The following LMAN1 variants were observed in gnomAD, a reference collection of about 807,000 sequenced individuals.
The protein encoded by LMAN1 is lectin, mannose binding 1, also known as protein ERGIC-53.
LMAN1 carries 32 observed loss-of-function variants against 67.8 expected under a neutral mutation model. The observed-to-expected ratio is 0.47, with a 90% CI of 0.36 to 0.63. The LOEUF (loss-of-function observed/expected upper bound fraction) is 0.63, where lower values mean the gene tolerates loss of function less well. Ranked by LOEUF, LMAN1 falls within the 30% of genes least tolerant of loss-of-function variation. The pLI is 0.00. For synonymous variants in LMAN1, 235 were observed against 219.3 expected (o/e 1.07, Z -0.63); for missense variants, 632 against 628.2 (o/e 1.01, Z -0.06).
In LMAN1 at chr18:59,338,582, T is replaced by C. The variant is rs1475660786; in HGVS notation, c.1195A>G (p.Ile399Val). Residue 399 changes from isoleucine (I) to valine (V), a missense_variant, in exon 10 of 13, where the codon ATT becomes GTT. Coordinates refer to ENST00000251047, the MANE Select transcript of LMAN1 (RefSeq NM_005570.4). ...LDTVVKTQHE[I>V]LRQVNEMKNS... The stretch of plus-strand genomic sequence containing the variant: ...TTCATTTCATTTACTTGTCTCAGAA[T>C]CTCATGCTGAGTTTTCACAACAGTA... 6.2e-7 allele frequency: 1 copy of C among 1,613,826 alleles called. No homozygotes were observed. The highest frequency in any genetic ancestry group is 8.5e-7 in the Non-Finnish European group (1 of 1,179,754).
chr18:59,338,110 T>C (rs1297757669), intron 10 of LMAN1, among the ~76,000 whole-genome samples: 2 of 152,190 alleles, frequency 1.3e-5, no homozygotes, highest in South Asian at 2.1e-4. Flanking sequence ...GAAAAAGAGG[T>C]AGTCACACAT....
rs1196959346 is a variant in LMAN1 at position 59,345,921 on chromosome 18, G to T, written c.953C>A (p.Pro318His). The T allele has an allele frequency of 1.2e-6, 2 of 1,613,944 alleles. No individual in the cohort carries two copies. The highest frequency in any genetic ancestry group is 1.7e-6 in the Non-Finnish European group (2 of 1,180,020). Residue 318 changes from proline (P) to histidine (H), a missense_variant and splice_region_variant, in exon 8 of 13, where the codon CCT becomes CAT. Physicochemically the swap from Pro to His is moderately conservative, Grantham distance 77 (BLOSUM62 -2). Transcript: ENST00000251047. ...ATGTCAGCTTTGCTACAACTCACCA[G>T]GCTGCCCTTGGAGGTCGGGGTGGCC... The part of the protein sequence containing the change: ...QKGHPDLQGQ[P>H]AEEIFESVGD...
intron 8 of LMAN1, among the ~76,000 whole-genome samples, chr18:59,340,651 A>AT (rs1471569207): frequency 5.9e-5 from 9 of 152,236 alleles, no homozygotes; most frequent in African/African-American, 2.2e-4. Flanking sequence ...GGTCTTAAAC[A>AT]TGGAAACAAA....
chr18:59,345,201 T>G (rs1407617990), intron 8 of LMAN1, among the ~76,000 whole-genome samples: 2 of 152,198 alleles, frequency 1.3e-5, no homozygotes, highest in South Asian at 2.1e-4. Context: ...CTACATAGAG[T>G]TCAAATGCTA....
intron 10 of LMAN1, among the ~76,000 whole-genome samples, chr18:59,337,580 C>A (rs1366288579): frequency 1.3e-5 from 2 of 151,978 alleles, no homozygotes; most frequent in African/African-American, 4.8e-5. Context: ...AAAATTAGAT[C>A]GAAATAAAAA....
intron 4 of LMAN1, among the ~76,000 whole-genome samples, chr18:59,353,597 T>G (rs1476838250): frequency 1.3e-5 from 2 of 152,182 alleles, no homozygotes; most frequent in Admixed American, 1.3e-4. Flanking sequence ...GGAGTTATGA[T>G]GAACTACCAG....
intron 1 of LMAN1, 129 bp downstream of exon 1, chr18:59,358,902 T>G (rs1326368941): frequency 1.1e-6 from 1 of 951,890 alleles, no homozygotes; most frequent in African/African-American, 1.6e-5. Flanking sequence ...GAGGGTCCCC[T>G]CCACAGCGCA....
At chr18:59,347,991 C>A (rs1481778652) in intron 6 of LMAN1, among the ~76,000 whole-genome samples, 2 of 152,268 alleles carry the variant, frequency 1.3e-5, no homozygotes, top group Non-Finnish European at 2.9e-5. Context: ...CTGGTCTCCA[C>A]ATACTGCCGG....
rs2070738956 is a variant in LMAN1, at chr18:59,330,201, T to C, written c.*892A>G. 1 of 152,648 alleles carries C rather than the reference T, an allele frequency of 6.6e-6. No individual in the cohort carries two copies. Among genetic ancestry groups the C allele is most frequent in the African/African-American group, 2.4e-5 (1 of 41,466 alleles). 9.5% of individuals were successfully genotyped at this position (152,648 alleles called of 1,614,324 possible). A position where few individuals can be genotyped will look rare whatever the true frequency, so the allele number is the denominator to read the frequency against. On this transcript the variant is annotated 3_prime_UTR_variant, in exon 13 of 13. Transcript: ENST00000251047. The stretch of plus-strand genomic sequence containing the variant: ...GAAGTAACTAATGTAAACCAGAATG[T>C]AGTGGCAGGTTTTGTGAATTTAAAT...
At chr18:59,354,432 G>T in intron 4 of LMAN1, 87 bp downstream of exon 4, 1 of 771,510 alleles carries the variant, frequency 1.3e-6, no homozygotes, top group South Asian at 1.5e-5. Flanking sequence ...TTTTCATTTG[G>T]AAGGTGTTCA....
intron 10 of LMAN1, among the ~76,000 whole-genome samples, chr18:59,335,769 C>T (rs1039106900): frequency 1.3e-5 from 2 of 152,268 alleles, no homozygotes; most frequent in Admixed American, 1.3e-4. Flanking sequence ...AAGAGAACTA[C>T]ACTAAGAAAC....
At chr18:59,346,439 G>A (rs1006672254) in intron 7 of LMAN1, among the ~76,000 whole-genome samples, 6 of 151,674 alleles carry the variant, frequency 4.0e-5, no homozygotes, top group Non-Finnish European at 7.4e-5. Context: ...TGTCCAGGCT[G>A]GTTTTGAACC....
In LMAN1 at chr18:59,349,131, C is replaced by T. The variant is rs1375605466; in HGVS notation, c.745G>A (p.Ala249Thr). 2.5e-6 allele frequency: 4 copies of T among 1,614,080 alleles called. No individual in the cohort carries two copies. The highest frequency in any genetic ancestry group is 3.4e-6 in the Non-Finnish European group (4 of 1,179,948). Residue 249 changes from alanine (A) to threonine (T), a missense_variant, in exon 6 of 13, where the codon GCA (alanine) becomes ACA (threonine). Coordinates refer to ENST00000251047, the MANE Select transcript of LMAN1 (RefSeq NM_005570.4). ...PAQGHFGISA[A>T]TGGLADDHDV... ...GATTTACCTGCAAGACCTCCAGTTG[C>T]AGCAGATATTCCAAAATGCCCTTGT... is the stretch of plus-strand genomic sequence containing the variant.
Position 59,329,771 on chromosome 18 carries a change from A to G in LMAN1, c.*1322T>C, listed in dbSNP as rs1471946825. ...AGCAAACCTAGGGAGGCTTGGAATA[A>G]TTCAACAGTACTATTTTATAAGATA... On this transcript the variant is annotated 3_prime_UTR_variant, in exon 13 of 13. Coordinates refer to ENST00000251047, the MANE Select transcript of LMAN1 (RefSeq NM_005570.4). 6.6e-6 allele frequency: 1 copy of G among 152,170 alleles called. No homozygotes were observed. Among genetic ancestry groups the G allele is most frequent in the Non-Finnish European group, 1.5e-5 (1 of 68,004 alleles). 9.4% of individuals were successfully genotyped at this position (152,170 alleles called of 1,614,324 possible).
chr18:59,332,076 C>A (rs138703556), intron 11 of LMAN1, among the ~76,000 whole-genome samples: 199 of 152,198 alleles, frequency 1.3e-3, no homozygotes, highest in African/African-American at 4.3e-3. Context: ...CCTGAGTATT[C>A]CTTCTATTAT....
intron 8 of LMAN1, among the ~76,000 whole-genome samples, chr18:59,339,831 T>C (rs1908247870): frequency 6.6e-6 from 1 of 152,078 alleles, no homozygotes; most frequent in Admixed American, 6.5e-5. Flanking sequence ...CCCATGCTGC[T>C]TGCCTGGAAG....
Position 59,333,118 on chromosome 18 carries a change from G to C in LMAN1, c.1347C>G (p.Asp449Glu), listed in dbSNP as rs1174893821. The part of the protein sequence containing the change: ...IKEHLHIVKR[D>E]IDNLVQRNMP... ...TATTTCGCTGCACTAAGTTATCTAT[G>C]TCCCTCTTTACTATGTGCAGGTGCT... The change falls in exon 11 of 13, where the codon GAC (aspartate) becomes GAG (glutamate). Residue 449 changes from aspartate to glutamate, a missense_variant. Physicochemically the swap from Asp to Glu is conservative, Grantham distance 45. Transcript: ENST00000251047. 1.9e-6 allele frequency: 3 copies of C among 1,613,536 alleles called. 1 individual carries two copies. In the South Asian group the frequency reaches 3.3e-5, roughly 18 times the overall value.
At chr18:59,335,967 AC>A (rs1908137551) in intron 10 of LMAN1, among the ~76,000 whole-genome samples, 1 of 152,212 alleles carries the variant, frequency 6.6e-6, no homozygotes, top group South Asian at 2.1e-4. Flanking sequence ...GATAATAAGA[AC>A]CAGGTTTTTC....
intron 10 of LMAN1, among the ~76,000 whole-genome samples, chr18:59,335,794 T>C (rs1250869324): frequency 6.6e-6 from 1 of 151,968 alleles, no homozygotes; most frequent in African/African-American, 2.4e-5. Flanking sequence ...TGGAAAAGAG[T>C]ATCTGGGCTG....
Sources: gnomAD v4.1 joint callset for allele counts (sites outside exome capture counted in the v4.1 genomes callset) on GRCh38, gnomAD v4.1.1 for gene constraint, MANE v1.5 for transcripts, NCBI Gene and HGNC (gene_info 2026-07-23, HGNC 2026-07-21) for gene names.